Variants in NBAS observed in about 807,000 individuals in gnomAD.
NBAS encodes the protein NBAS subunit of NRZ tethering complex, also known as NAG/BC035112 fusion.
Under a neutral mutation model 302.5 loss-of-function variants are expected in NBAS, and 219 were observed. That is an observed-to-expected ratio of 0.72 (90% CI 0.65 to 0.81). The LOEUF (loss-of-function observed/expected upper bound fraction) is 0.81. NBAS is among the 30% of genes least tolerant of loss of function. NBAS has a pLI of 0.00. For missense variants in NBAS, 2,932 were observed against 2,841.6 expected, an observed-to-expected ratio of 1.03 and a Z score of -0.72; for synonymous variants, 1,118 against 1,021.6, an observed-to-expected ratio of 1.09 and a Z score of -1.80.
chr2:15,004,667 AT>A, the NBAS span, among the ~76,000 whole-genome samples: 1,375 of 105,384 alleles, frequency 0.013, 9 homozygotes, highest in African/African-American at 0.039. Context: ...CTCCCAGCTG[AT>A]TTTTTTTTTT....
At position 15,459,896 on chromosome 2, in the gene NBAS, G is replaced by A. The variant is rs185213698; in HGVS notation, c.2339+1305C>T. 3.3e-5 allele frequency among the ~76,000 whole-genome samples: 5 copies of A among 152,122 alleles called. No individual in the cohort carries two copies. In the East Asian group the frequency reaches 9.7e-4, roughly 29 times the overall value. ...CTGACCTACAACTTAAAGTAAATAC[G>A]GGTTCAAATTCTGGCTGCCCATATA... On this transcript the variant is annotated intron_variant, in intron 21 of 51. Coordinates refer to ENST00000281513, the MANE Select transcript of NBAS (RefSeq NM_015909.4).
At chr2:15,050,578 G>A in the NBAS span, among the ~76,000 whole-genome samples, 1 of 152,194 alleles carries the variant, frequency 6.6e-6, no homozygotes, top group African/African-American at 2.4e-5. Context: ...TGCAATCAGG[G>A]ATTGTGATAC....
At chr2:15,035,912 C>A in the NBAS span, among the ~76,000 whole-genome samples, 1 of 152,148 alleles carries the variant, frequency 6.6e-6, no homozygotes, top group Non-Finnish European at 1.5e-5. Flanking sequence ...AGGCTCAATA[C>A]ATAGGTGATG....
At chr2:15,043,822 T>A in the NBAS span, among the ~76,000 whole-genome samples, 3 of 152,192 alleles carry the variant, frequency 2.0e-5, no homozygotes, top group Non-Finnish European at 4.4e-5. Context: ...CAACTCAGCA[T>A]CTCACCTTGG....
chr2:14,920,634 C>T, the NBAS span, among the ~76,000 whole-genome samples: 2 of 152,206 alleles, frequency 1.3e-5, no homozygotes, highest in Non-Finnish European at 2.9e-5. Context: ...TTCTGGATAA[C>T]TTACTACAGC....
At chr2:14,960,770 A>G in the NBAS span, among the ~76,000 whole-genome samples, 5 of 152,214 alleles carry the variant, frequency 3.3e-5, no homozygotes, top group South Asian at 8.3e-4. Flanking sequence ...CCAAATGACC[A>G]CTTTGTGCCA....
rs1207902412 is a variant in NBAS, at chr2:15,476,558, T to C, written c.1148-678A>G. On this transcript the variant is annotated intron_variant, in intron 13 of 51. Transcript: ENST00000281513. Reference sequence around the variant, plus strand: ...CAATATGGTGAAACCCCATCTCTATTAAAAATACAAAAATTAGCCAGGCAT... The same window carrying C: ...CAATATGGTGAAACCCCATCTCTATCAAAAATACAAAAATTAGCCAGGCAT... Among the ~76,000 whole-genome samples, 3 of 151,832 alleles carry C rather than the reference T, an allele frequency of 2.0e-5. 1 individual carries two copies. The South Asian group carries it at 6.3e-4, about 32-fold the overall frequency.
At chr2:15,183,699 G>A (rs1382581077) in intron 50 of NBAS, among the ~76,000 whole-genome samples, 2 of 151,684 alleles carry the variant, frequency 1.3e-5, no homozygotes, top group Non-Finnish European at 2.9e-5. Context: ...GTACAGCTTC[G>A]AGCATTACTA....
At chr2:14,889,488 T>A in the NBAS span, among the ~76,000 whole-genome samples, 8 of 152,196 alleles carry the variant, frequency 5.3e-5, no homozygotes, top group Admixed American at 4.6e-4. Context: ...ATCAAAAGAC[T>A]TCCCTGCCAC....
chr2:14,940,442 C>A, the NBAS span, among the ~76,000 whole-genome samples: 1 of 152,204 alleles, frequency 6.6e-6, no homozygotes, highest in African/African-American at 2.4e-5. Context: ...CAACATCGTA[C>A]TTCCTGTACA....
Position 15,352,118 on chromosome 2 carries a change from G to A in NBAS, c.4090-37C>T, listed in dbSNP as rs116326729. ...ATAGGCTATATTGTAAAGGAGTTAC[G>A]TTTTTAAATTTGCTTCTCATCACAA... On this transcript the variant is annotated intron_variant, in intron 34 of 51. Coordinates refer to ENST00000281513, the MANE Select transcript of NBAS (RefSeq NM_015909.4). The A allele has an allele frequency of 6.0e-4, 874 of 1,464,432 alleles. 3 individuals are homozygous for A. In the African/African-American group the frequency reaches 0.01, roughly 17 times the overall value. 90.7% of individuals were successfully genotyped at this position (1,464,432 alleles called of 1,614,324 possible).
chr2:14,783,576 T>C, the NBAS span, among the ~76,000 whole-genome samples: 783 of 149,604 alleles, frequency 5.2e-3, 4 homozygotes, highest in African/African-American at 0.018. Flanking sequence ...CGGTGTTTGG[T>C]TTTTTGTCCT....
chr2:14,885,998 C>T, the NBAS span, among the ~76,000 whole-genome samples: 2 of 152,138 alleles, frequency 1.3e-5, no homozygotes, highest in East Asian at 1.9e-4. Flanking sequence ...GAGAAGTTTG[C>T]TATGTAGAAA....
the NBAS span, among the ~76,000 whole-genome samples, chr2:14,784,961 T>A: frequency 6.6e-6 from 1 of 152,318 alleles, no homozygotes; most frequent in South Asian, 2.1e-4. Context: ...GCATGGAATG[T>A]TCTTCCATTT....
intron 21 of NBAS, among the ~76,000 whole-genome samples, chr2:15,442,741 T>C (rs1034702879): frequency 1.3e-5 from 2 of 151,462 alleles, no homozygotes; most frequent in African/African-American, 4.9e-5. Flanking sequence ...ATCAACAAAA[T>C]TGATAGACCA....
chr2:15,557,549 TA>T (rs1664705892), intron 2 of NBAS, among the ~76,000 whole-genome samples: 1 of 152,154 alleles, frequency 6.6e-6, no homozygotes, highest in Non-Finnish European at 1.5e-5. Context: ...TATCAGAAGA[TA>T]AAATTAACTA....
rs1332385025 is a variant in NBAS at position 15,556,844 on chromosome 2, C to A, written c.173-25G>T. The A allele has an allele frequency of 3.8e-6, 6 of 1,578,516 alleles. 1 individual carries two copies. In the Middle Eastern group the frequency reaches 5.0e-4, roughly 132 times the overall value. On this transcript the variant is annotated intron_variant, in intron 2 of 51. Transcript: ENST00000281513. ...TCTGTAATCAAAAGAAATGGCAAAG[C>A]CAAATATAAATCAGCTGTTAAGAAT...
At chr2:14,991,306 C>T in the NBAS span, among the ~76,000 whole-genome samples, 8 of 152,042 alleles carry the variant, frequency 5.3e-5, no homozygotes, top group Admixed American at 1.3e-4. Flanking sequence ...ATTAATGTCT[C>T]AGCTCTGTAA....
chr2:15,481,826 C>G (rs777804629), intron 12 of NBAS, among the ~76,000 whole-genome samples: 1 of 152,182 alleles, frequency 6.6e-6, no homozygotes, highest in Non-Finnish European at 1.5e-5. Flanking sequence ...GTCACAGAAA[C>G]CAGAATTCTT....
Sources: gnomAD v4.1 joint callset for allele counts (sites outside exome capture counted in the v4.1 genomes callset) on GRCh38, gnomAD v4.1.1 for gene constraint, MANE v1.5 for transcripts, NCBI Gene and HGNC (gene_info 2026-07-23, HGNC 2026-07-21) for gene names.